The following GFRA2 variants were observed in gnomAD, a reference collection of about 807,000 sequenced individuals.
GFRA2 encodes the protein GDNF family receptor alpha 2, also known as GDNF family receptor alpha-2.
GFRA2 carries 17 observed loss-of-function variants against 48.3 expected under a neutral mutation model. That is an observed-to-expected ratio of 0.35 (90% CI 0.24 to 0.53). The LOEUF is 0.53. Ranked by LOEUF, GFRA2 falls within the 20% of genes least tolerant of loss-of-function variation. The pLI, the probability that GFRA2 is intolerant of heterozygous loss-of-function variation, is 0.93. For synonymous variants in GFRA2, 305 were observed against 257.2 expected (o/e 1.19, Z -1.78); for missense variants, 660 against 637.3 (o/e 1.04, Z -0.38).
chr8:21,797,971 C>T (rs1219976782), intron 2 of GFRA2, among the ~76,000 whole-genome samples: 1 of 152,174 alleles, frequency 6.6e-6, no homozygotes, highest in African/African-American at 2.4e-5. Context: ...CGAGCAGCTA[C>T]AGTTCCCCCT....
At chr8:21,783,882 T>C (rs1807136189) in intron 1 of GFRA2, among the ~76,000 whole-genome samples, 1 of 151,968 alleles carries the variant, frequency 6.6e-6, no homozygotes, top group African/African-American at 2.4e-5. Flanking sequence ...CTTTTACCTC[T>C]TGTCTTTCAA....
intron 1 of GFRA2, among the ~76,000 whole-genome samples, chr8:21,810,852 C>T (rs978550855): frequency 2.6e-5 from 4 of 152,154 alleles, no homozygotes; most frequent in Admixed American, 6.5e-5. Flanking sequence ...GAGGAGCCCC[C>T]AGCAACCAAG....
chr8:21,694,529 A>G lies in GFRA2; in HGVS notation c.1219-12T>C. ...TTCAGCCCCTGCTCCTGCGAGAGAG[A>G]AGGTGCCAGTCAGGACGAGTCACCA... On this transcript the variant is annotated splice_polypyrimidine_tract_variant and intron_variant, in intron 7 of 8. Coordinates refer to ENST00000524240, the MANE Select transcript of GFRA2 (RefSeq NM_001495.5). The G allele has an allele frequency of 6.2e-7, 1 of 1,608,364 alleles. No homozygotes were observed. Among genetic ancestry groups the G allele is most frequent in the Non-Finnish European group, 8.5e-7 (1 of 1,177,696 alleles).
rs1170613607 is a variant in GFRA2, at chr8:21,702,936, C to T, written c.1087G>A (p.Val363Met). Residue 363 changes from valine (V) to methionine (M), a missense_variant, in exon 7 of 9, where the codon GTG (valine) becomes ATG (methionine). Coordinates refer to ENST00000524240, the MANE Select transcript of GFRA2 (RefSeq NM_001495.5). ...TGGAACGAGGGGCCTTTTGGGGACA[C>T]GTTCACGTCCGTGCCGTTGCCAAAG... ...QAFGNGTDVNVSPKGPSFQAT... is the reference protein window; with the variant it reads ...QAFGNGTDVNMSPKGPSFQAT... 6.4e-6 allele frequency: 10 copies of T among 1,566,768 alleles called. No homozygotes were observed. The highest frequency in any genetic ancestry group is 4.1e-5 in the African/African-American group (3 of 72,922).
At chr8:21,786,592 T>A (rs1023209192) in intron 1 of GFRA2, among the ~76,000 whole-genome samples, 14 of 152,114 alleles carry the variant, frequency 9.2e-5, no homozygotes, top group Non-Finnish European at 1.3e-4. Flanking sequence ...CCAGAGCAAC[T>A]TCCAGCTTCC....
At chr8:21,754,390 G>A (rs976720882) in intron 3 of GFRA2, among the ~76,000 whole-genome samples, 1 of 152,174 alleles carries the variant, frequency 6.6e-6, no homozygotes, top group Non-Finnish European at 1.5e-5. Context: ...GTAGGCAACA[G>A]TGATCAACAC....
At chr8:21,766,320 T>C (rs1242937518) in intron 3 of GFRA2, among the ~76,000 whole-genome samples, 2 of 152,094 alleles carry the variant, frequency 1.3e-5, no homozygotes, top group Non-Finnish European at 2.9e-5. Context: ...CTTGTTAATT[T>C]GTTTGTTGGC....
intron 4 of GFRA2, among the ~76,000 whole-genome samples, chr8:21,736,947 G>A (rs1804497134): frequency 6.8e-6 from 1 of 146,792 alleles, no homozygotes; most frequent in African/African-American, 2.5e-5. Context: ...GGAGGGGAGG[G>A]GAGGCCTCCA....
chr8:21,697,082 G>GAACA, intron 7 of GFRA2, among the ~76,000 whole-genome samples: 1 of 146,824 alleles, frequency 6.8e-6, no homozygotes, highest in Non-Finnish European at 1.5e-5. Context: ...AGGGTAGATG[G>GAACA]GACAGAGGAA....
chr8:21,786,817 C>T (rs1807294012), intron 1 of GFRA2, among the ~76,000 whole-genome samples: 1 of 152,178 alleles, frequency 6.6e-6, no homozygotes, highest in Non-Finnish European at 1.5e-5. Flanking sequence ...CACGCACATC[C>T]TCCTGTAACC....
intron 4 of GFRA2, among the ~76,000 whole-genome samples, chr8:21,742,400 G>T (rs1804790548): frequency 1.3e-5 from 2 of 152,092 alleles, no homozygotes; most frequent in Non-Finnish European, 2.9e-5. Flanking sequence ...CAGGAAAAAG[G>T]CCCTCATCAC....
chr8:21,788,813 TC>T lies in GFRA2; in HGVS notation c.-655del. On this transcript the variant is annotated 5_prime_UTR_variant, in exon 1 of 9. Coordinates refer to ENST00000524240, the MANE Select transcript of GFRA2 (RefSeq NM_001495.5). ...GTGTCTCTGCGTGCGTGTGTCTTTCTCTCTCCTCTCTCTCTCTCTCCTCTCC... is the reference window on the plus strand; with the variant it reads ...GTGTCTCTGCGTGCGTGTGTCTTTCTTCTCCTCTCTCTCTCTCTCCTCTCC... 1.0e-6 allele frequency: 1 copy of T among 984,718 alleles called. No individual in the cohort carries two copies. 61.0% of individuals were successfully genotyped at this position (984,718 alleles called of 1,614,324 possible).
intron 1 of GFRA2, among the ~76,000 whole-genome samples, chr8:21,785,964 T>A (rs1807248594): frequency 6.6e-6 from 1 of 152,182 alleles, no homozygotes; most frequent in African/African-American, 2.4e-5. Flanking sequence ...GGCTGAAGTT[T>A]CCTAAACACC....
At chr8:21,757,543 T>C (rs1418126928) in intron 3 of GFRA2, among the ~76,000 whole-genome samples, 1 of 149,006 alleles carries the variant, frequency 6.7e-6, no homozygotes, top group African/African-American at 2.5e-5. Context: ...TCGCACGTTG[T>C]AGTGCAGTGG....
intron 4 of GFRA2, among the ~76,000 whole-genome samples, chr8:21,718,786 GGTTA>G (rs1007556185): frequency 2.0e-5 from 3 of 152,112 alleles, no homozygotes; most frequent in Non-Finnish European, 4.4e-5. Context: ...GCCCTAGAGA[GGTTA>G]ATTAACTCAC....
At chr8:21,706,213 T>C (rs1224540787) in intron 4 of GFRA2, among the ~76,000 whole-genome samples, 172 bp from the exon 5 acceptor site, 2 of 152,144 alleles carry the variant, frequency 1.3e-5, no homozygotes, top group Non-Finnish European at 1.5e-5. Flanking sequence ...GGGCTCAATC[T>C]GTGAGCTTCT....
chr8:21,763,950 A>AAC (rs527247743), intron 3 of GFRA2, among the ~76,000 whole-genome samples: 24 of 123,484 alleles, frequency 1.9e-4, no homozygotes, highest in Admixed American at 5.9e-4. Flanking sequence ...GTCACTAGGT[A>AAC]ACACACACAC....
chr8:21,785,193 C>CT (rs1198061991), intron 1 of GFRA2, among the ~76,000 whole-genome samples: 18 of 152,134 alleles, frequency 1.2e-4, no homozygotes, highest in Non-Finnish European at 2.9e-5. Context: ...CATAAGGACG[C>CT]TTTTTTTGCT....
chr8:21,724,888 C>G (rs566083354), intron 4 of GFRA2, among the ~76,000 whole-genome samples: 1 of 152,238 alleles, frequency 6.6e-6, no homozygotes, highest in Non-Finnish European at 1.5e-5. Context: ...GGGACACATA[C>G]GATGTCTTGC....
Sources: allele counts gnomAD v4.1 joint callset (sites outside exome capture counted in the v4.1 genomes callset), GRCh38; gene constraint gnomAD v4.1.1; transcripts MANE v1.5; gene names NCBI Gene and HGNC (gene_info 2026-07-23, HGNC 2026-07-21).